The following DLGAP2 variants were observed in gnomAD, a reference collection of about 807,000 sequenced individuals.
DLGAP2 encodes the protein disks large-associated protein 2.
A neutral mutation model predicts 100.3 loss-of-function variants in DLGAP2; 26 were observed. The observed-to-expected ratio is 0.26, with a 90% CI of 0.19 to 0.36. The LOEUF (loss-of-function observed/expected upper bound fraction) is 0.36. Among genes scored for constraint, DLGAP2 ranks in the 10% least tolerant of loss-of-function variants. The probability of loss-of-function intolerance (pLI) is 1.00; values close to 1 mark genes in which losing one functional copy is unlikely to be tolerated. For missense variants in DLGAP2, 1,858 were observed against 1,453.2 expected (o/e 1.28, Z -4.53); for synonymous variants, 886 against 630.1 (o/e 1.41, Z -6.08).
Position 1,279,920 on chromosome 8 carries a change from C to G in DLGAP2, c.106+21037C>G, listed in dbSNP as rs554790655. Among the ~76,000 whole-genome samples the G allele has an allele frequency of 5.3e-5, 8 of 152,336 alleles. No individual in the cohort carries two copies. In the East Asian group the frequency reaches 1.3e-3, roughly 26 times the overall value. On this transcript the variant is annotated intron_variant, in intron 3 of 14. Transcript: ENST00000637795. Reference sequence around the variant, plus strand: ...GAAGGGGTTCATACACGTTCACACACAGGCTTGAGAACCAGGAGGCGCAGA... The same window carrying G: ...GAAGGGGTTCATACACGTTCACACAGAGGCTTGAGAACCAGGAGGCGCAGA...
chr8:789,382 A>G (rs1194233103), intron 1 of DLGAP2, among the ~76,000 whole-genome samples: 5 of 152,122 alleles, frequency 3.3e-5, no homozygotes, highest in Non-Finnish European at 7.3e-5. Context: ...GGTGCTACAC[A>G]CTTTTAAACT....
At chr8:1,022,746 C>A (rs1444170031) in intron 2 of DLGAP2, among the ~76,000 whole-genome samples, 1 of 148,300 alleles carries the variant, frequency 6.7e-6, no homozygotes, top group Non-Finnish European at 1.5e-5. Flanking sequence ...GCTCCAACCA[C>A]AATCCACCCT....
intron 3 of DLGAP2, among the ~76,000 whole-genome samples, chr8:1,448,503 C>T (rs62485588): frequency 0.019 from 2,864 of 152,112 alleles, 38 homozygotes; most frequent in Non-Finnish European, 0.028. Flanking sequence ...AGCTTTACTT[C>T]CAACTATGTG....
intron 8 of DLGAP2, among the ~76,000 whole-genome samples, chr8:1,636,099 C>T (rs1797759166): frequency 6.6e-6 from 1 of 152,234 alleles, no homozygotes; most frequent in Non-Finnish European, 1.5e-5. Context: ...TTGAAAACAT[C>T]TAACTCATTT....
intron 1 of DLGAP2, among the ~76,000 whole-genome samples, chr8:819,910 A>T (rs1294864017): frequency 6.6e-6 from 1 of 152,198 alleles, no homozygotes; most frequent in African/African-American, 2.4e-5. Flanking sequence ...TGGATTGGTC[A>T]TGAAAGTGGG....
At chr8:1,495,320 C>A (rs1799511906) in intron 3 of DLGAP2, among the ~76,000 whole-genome samples, 2 of 152,196 alleles carry the variant, frequency 1.3e-5, no homozygotes, top group South Asian at 2.1e-4. Flanking sequence ...GTGGGGGAAG[C>A]ATTGTCTCCA....
intron 3 of DLGAP2, among the ~76,000 whole-genome samples, chr8:1,289,502 G>T (rs184977916): frequency 2.0e-5 from 3 of 152,190 alleles, no homozygotes; most frequent in African/African-American, 7.2e-5. Context: ...TAAGACTCAC[G>T]TGCGGGGATA....
chr8:917,199 T>TTCCC (rs1798611872), intron 2 of DLGAP2, among the ~76,000 whole-genome samples: 2 of 145,656 alleles, frequency 1.4e-5, no homozygotes, highest in Middle Eastern at 3.2e-3. Context: ...ATCAGTATTG[T>TTCCC]TCCCTCCCTC....
intron 2 of DLGAP2, among the ~76,000 whole-genome samples, chr8:961,261 T>C (rs17065495): frequency 0.025 from 3,815 of 152,316 alleles, 157 homozygotes; most frequent in African/African-American, 0.087. Flanking sequence ...TGATGTCTTA[T>C]TTTGACCCCT....
At chr8:1,492,760 C>G (rs1160865715) in intron 3 of DLGAP2, among the ~76,000 whole-genome samples, 1 of 152,142 alleles carries the variant, frequency 6.6e-6, no homozygotes, top group Non-Finnish European at 1.5e-5. Flanking sequence ...GCGACGCAGC[C>G]GATTTTGCGT....
chr8:809,148 G>A (rs1796322632), intron 1 of DLGAP2, among the ~76,000 whole-genome samples: 1 of 152,028 alleles, frequency 6.6e-6, no homozygotes, highest in Non-Finnish European at 1.5e-5. Flanking sequence ...CAAGTGATCT[G>A]CCTGCCTTGG....
At chr8:1,536,613 C>T (rs1314438013) in intron 4 of DLGAP2, among the ~76,000 whole-genome samples, 1 of 152,182 alleles carries the variant, frequency 6.6e-6, no homozygotes, top group Non-Finnish European at 1.5e-5. Context: ...GCCCTGCATC[C>T]TGACTGTCCC....
intron 2 of DLGAP2, among the ~76,000 whole-genome samples, chr8:1,233,991 G>T (rs1374226432): frequency 6.6e-6 from 1 of 152,148 alleles, no homozygotes; most frequent in Non-Finnish European, 1.5e-5. Context: ...GCACTGGGAG[G>T]GCTTCATGGT....
rs532703839 is a variant in DLGAP2 at position 1,425,472 on chromosome 8, T to A, written c.107-75894T>A. ...TACCTGTTTAAGAAAGAAAGAAGTG[T>A]CTGATGGGAACACTGTGCTTGGGTC... On this transcript the variant is annotated intron_variant, in intron 3 of 14. Coordinates refer to ENST00000637795, the MANE Select transcript of DLGAP2 (RefSeq NM_001346810.2). Among the ~76,000 whole-genome samples, 4 of 152,240 alleles carry A rather than the reference T, an allele frequency of 2.6e-5. No individual in the cohort carries two copies. In the East Asian group the frequency reaches 7.7e-4, roughly 29 times the overall value.
chr8:1,008,049 G>C (rs189317033), intron 2 of DLGAP2, among the ~76,000 whole-genome samples: 1 of 152,112 alleles, frequency 6.6e-6, no homozygotes, highest in Admixed American at 6.5e-5. Flanking sequence ...TGAAAATGAC[G>C]TGCACTCTCC....
intron 3 of DLGAP2, among the ~76,000 whole-genome samples, chr8:1,482,573 T>C (rs1799126415): frequency 6.6e-6 from 1 of 152,272 alleles, no homozygotes. Context: ...CAAGCCCAGC[T>C]CACTGGCATG....
At chr8:1,464,787 C>T (rs1466563687) in intron 3 of DLGAP2, among the ~76,000 whole-genome samples, 1 of 152,172 alleles carries the variant, frequency 6.6e-6, no homozygotes, top group African/African-American at 2.4e-5. Context: ...AGCGAAGCAC[C>T]GGGACGTAGA....
At chr8:904,514 T>C (rs908745306) in intron 1 of DLGAP2, among the ~76,000 whole-genome samples, 1 of 152,016 alleles carries the variant, frequency 6.6e-6, no homozygotes, top group African/African-American at 2.4e-5. Flanking sequence ...AACAAGACTG[T>C]CTCAAAAAAA....
chr8:1,195,576 T>C (rs1797733552), intron 2 of DLGAP2, among the ~76,000 whole-genome samples: 1 of 152,254 alleles, frequency 6.6e-6, no homozygotes, highest in African/African-American at 2.4e-5. Flanking sequence ...TTTAAAAACA[T>C]ATAATTCTTA....
Sources: gnomAD v4.1 joint callset for allele counts (sites outside exome capture counted in the v4.1 genomes callset) on GRCh38, gnomAD v4.1.1 for gene constraint, MANE v1.5 for transcripts, NCBI Gene and HGNC (gene_info 2026-07-23, HGNC 2026-07-21) for gene names.